Variants in OSMR observed in about 807,000 individuals in gnomAD.
The protein encoded by OSMR is oncostatin M receptor.
Under a neutral mutation model 99.9 loss-of-function variants are expected in OSMR, and 81 were observed. The observed-to-expected ratio is 0.81, with a 90% confidence interval of 0.68 to 0.97. The LOEUF (loss-of-function observed/expected upper bound fraction) is 0.97, where lower values mean the gene tolerates loss of function less well. Among genes scored for constraint, OSMR ranks in the 50% least tolerant of loss-of-function variants. The pLI is 0.00. For synonymous variants in OSMR, 406 were observed against 410.4 expected, an observed-to-expected ratio of 0.99 and a Z score of 0.13; for missense variants, 1,099 against 1,153.4, an observed-to-expected ratio of 0.95 and a Z score of 0.68.
chr5:38,908,117 T>C (rs1374179298), intron 9 of OSMR, among the ~76,000 whole-genome samples: 1 of 152,110 alleles, frequency 6.6e-6, no homozygotes. Flanking sequence ...GCTGCCACTG[T>C]GGCTGCTGCA....
intron 1 of OSMR, among the ~76,000 whole-genome samples, chr5:38,859,602 A>C (rs1741118882): frequency 6.6e-6 from 1 of 152,124 alleles, no homozygotes; most frequent in Non-Finnish European, 1.5e-5. Context: ...GTTTCATATG[A>C]ATTTTAGAAT....
chr5:38,852,772 C>T (rs1465547420), intron 1 of OSMR, among the ~76,000 whole-genome samples: 2 of 119,310 alleles, frequency 1.7e-5, no homozygotes, highest in East Asian at 4.8e-4. Flanking sequence ...ACTCTTTCGC[C>T]CAAGCTGGAC....
intron 1 of OSMR, among the ~76,000 whole-genome samples, chr5:38,846,739 C>CG (rs1739861319): frequency 6.6e-6 from 1 of 152,126 alleles, no homozygotes; most frequent in African/African-American, 2.4e-5. Flanking sequence ...AGCGTCCGTC[C>CG]GGGGCGCTTA....
chr5:38,914,972 C>A (rs1396258650), intron 9 of OSMR, among the ~76,000 whole-genome samples: 1 of 152,072 alleles, frequency 6.6e-6, no homozygotes, highest in African/African-American at 2.4e-5. Context: ...ACATGTACTC[C>A]CTGACTCTAA....
At chr5:38,917,437 C>T in intron 9 of OSMR, 109 bp from the exon 10 acceptor site, 1 of 1,523,402 alleles carries the variant, frequency 6.6e-7, no homozygotes, top group South Asian at 1.2e-5. Flanking sequence ...AGAGGCAAGC[C>T]TCAGGTTGGA....
At chr5:38,935,646 G>GTGTT (rs1746983772), downstream of OSMR, 1 of 152,092 alleles carries the variant, frequency 6.6e-6, no homozygotes, top group East Asian at 1.9e-4. Context: ...TCATCACATT[G>GTGTT]TGTTTTATCT....
intron 1 of OSMR, chr5:38,942,336 G>A: frequency 1.3e-6 from 2 of 1,598,446 alleles, no homozygotes; most frequent in Non-Finnish European, 1.7e-6. Flanking sequence ...ACTATAGGTT[G>A]CTTTGGTGGT....
chr5:38,901,595 G>A (rs560299789), intron 7 of OSMR, among the ~76,000 whole-genome samples: 78 of 152,270 alleles, frequency 5.1e-4, no homozygotes, highest in African/African-American at 1.8e-3. Context: ...GTTTAAAAGC[G>A]GTGTATCTGG....
chr5:38,861,296 A>G (rs1741280818), intron 1 of OSMR, among the ~76,000 whole-genome samples: 3 of 152,118 alleles, frequency 2.0e-5, no homozygotes, highest in East Asian at 1.9e-4. Context: ...GTCCCTGGGT[A>G]CTTGAGATTA....
chr5:38,921,832 C>T (rs756259381), intron 12 of OSMR, 38 bp downstream of exon 12: 1 of 1,534,602 alleles, frequency 6.5e-7, no homozygotes, highest in South Asian at 1.1e-5. Context: ...TTGCTATATT[C>T]ACCTTGAAGA....
rs1179302333 is a variant in OSMR at position 38,932,933 on chromosome 5, T to A, written c.2429T>A (p.Val810Glu). ...SDCIPDAIEV[V>E]SKPEGTKIQF... ...TGTATCCCAGATGCTATTGAAGTTG[T>A]AAGCAAGCCAGAAGGGACAAAGATA... Residue 810 changes from valine (V) to glutamate (E), a missense_variant, in exon 18 of 18, where the codon GTA (valine) becomes GAA (glutamate). Val to Glu is a moderately radical substitution (Grantham distance 121). Transcript: ENST00000274276. 2 of 1,614,180 alleles carry A rather than the reference T, an allele frequency of 1.2e-6. No homozygotes were observed. The highest frequency in any genetic ancestry group is 1.7e-6 in the Non-Finnish European group (2 of 1,180,020).
rs1741878050 is a variant in OSMR at position 38,865,634 on chromosome 5, T to TGGC, written c.-13-3397_-13-3395dup. ...GGTTGTTGAGCCCCACTGGTGGTGG[T>TGGC]GGCACCAGGCCTACTGTGTCAGTCC... On this transcript the variant is annotated intron_variant, in intron 1 of 17. Transcript: ENST00000274276. Among the ~76,000 whole-genome samples, 3 of 152,190 alleles carry TGGC rather than the reference T, an allele frequency of 2.0e-5. No homozygotes were observed. The South Asian group carries it at 6.2e-4, about 31-fold the overall frequency.
intron 4 of OSMR, 105 bp from the exon 5 acceptor site, chr5:38,883,722 A>G (rs1299680581): frequency 6.3e-7 from 1 of 1,591,206 alleles, no homozygotes; most frequent in Non-Finnish European, 8.5e-7. Context: ...TTTCTCCAGG[A>G]GGTAGAAAAA....
intron 3 of OSMR, among the ~76,000 whole-genome samples, chr5:38,877,754 G>T (rs1742951008): frequency 6.6e-6 from 1 of 152,080 alleles, no homozygotes; most frequent in African/African-American, 2.4e-5. Context: ...AGACTACATG[G>T]ATCCTATTCT....
At chr5:38,916,076 T>C (rs900735413) in intron 9 of OSMR, among the ~76,000 whole-genome samples, 6 of 152,210 alleles carry the variant, frequency 3.9e-5, no homozygotes, top group Non-Finnish European at 4.4e-5. Context: ...ATTGTATCAG[T>C]AGAAAATTTG....
In OSMR at chr5:38,933,377, C is replaced by T. The variant is rs774826871; in HGVS notation, c.2873C>T (p.Pro958Leu). 8.1e-6 allele frequency: 13 copies of T among 1,614,106 alleles called. No homozygotes were observed. Among genetic ancestry groups the T allele is most frequent in the Non-Finnish European group, 9.3e-6 (11 of 1,179,966 alleles). The change falls in exon 18 of 18, where the codon CCT (proline) becomes CTT (leucine). Residue 958 changes from proline (P) to leucine (L), a missense_variant. Pro to Leu is a moderately conservative substitution (Grantham distance 98, BLOSUM62 -3). Coordinates refer to ENST00000274276, the MANE Select transcript of OSMR (RefSeq NM_003999.3). ...GCAGTCTCCCTGCGTCTTGCCTTGC[C>T]TCCCCCGACCGAGAATAGCAGCCTC... ...QMAVSLRLAL[P>L]PPTENSSLSS... is the part of the protein sequence containing the mutation.
At chr5:38,931,860 T>G (rs772916833) in intron 15 of OSMR, 23 bp from the exon 16 acceptor site, 1 of 1,605,776 alleles carries the variant, frequency 6.2e-7, no homozygotes, top group South Asian at 1.1e-5. Flanking sequence ...ATTAAAAATG[T>G]CCCTTTCTTT....
At chr5:38,898,928 G>A (rs1484651402) in intron 7 of OSMR, among the ~76,000 whole-genome samples, 1 of 94,538 alleles carries the variant, frequency 1.1e-5, no homozygotes, top group Non-Finnish European at 2.3e-5. Context: ...TTAACTTTTT[G>A]TTGTTTCTAT....
intron 2 of OSMR, among the ~76,000 whole-genome samples, chr5:38,870,597 C>T (rs1189501462): frequency 1.3e-5 from 2 of 152,158 alleles, no homozygotes; most frequent in African/African-American, 4.8e-5. Context: ...TTAAAATGAG[C>T]AAGGTCTGGT....
Sources: gnomAD v4.1 joint callset for allele counts (sites outside exome capture counted in the v4.1 genomes callset) on GRCh38, gnomAD v4.1.1 for gene constraint, MANE v1.5 for transcripts, NCBI Gene and HGNC (gene_info 2026-07-23, HGNC 2026-07-21) for gene names.